The following LYPD8 variants were observed in gnomAD, a reference collection of about 807,000 sequenced individuals.
LYPD8 encodes the protein ly6/PLAUR domain-containing protein 8.
In LYPD8, 8 loss-of-function variants were observed where a neutral mutation model predicts 1.7. The ratio of observed to expected loss-of-function variants is 4.58; its 90% CI spans 2.69 to 8.27. The LOEUF (loss-of-function observed/expected upper bound fraction) is 8.27, where lower values mean the gene tolerates loss of function less well. Among genes scored for constraint, LYPD8 ranks in the 30% most tolerant of loss-of-function variants. The probability of loss-of-function intolerance (pLI) is 0.00; values close to 1 mark genes in which losing one functional copy is unlikely to be tolerated. For missense variants in LYPD8, 112 were observed against 102.3 expected (o/e 1.09, Z -0.41); for synonymous variants, 50 against 43.6 (o/e 1.15, Z -0.58).
chr1:248,744,816 C>T (rs753868141), intron 6 of LYPD8, among the ~76,000 whole-genome samples: 3 of 152,170 alleles, frequency 2.0e-5, no homozygotes, highest in Non-Finnish European at 4.4e-5. Flanking sequence ...GCACCACCCT[C>T]ACCTATAGAA....
chr1:248,739,978 C>T lies in LYPD8; in HGVS notation c.476-129G>A. 1 of 1,242,970 alleles carries T rather than the reference C, an allele frequency of 8.0e-7. No homozygotes were observed. Among genetic ancestry groups the T allele is most frequent in the Non-Finnish European group, 1.1e-6 (1 of 905,344 alleles). 77.0% of individuals were successfully genotyped at this position (1,242,970 alleles called of 1,614,324 possible). A position where few individuals can be genotyped will look rare whatever the true frequency, so the allele number is the denominator to read the frequency against. ...CAAGAGCTGGTGTGCTCCTGAAGCC[C>T]AGGCAGGAAGAAGGAGCCTGCGTGT... On this transcript the variant is annotated intron_variant, in intron 6 of 6. Transcript: ENST00000590317. This position sits in a 1 kb window ranked among gnomAD's most constrained non-coding sequence, Gnocchi z 4.3.
At chr1:248,744,252 A>T (rs782720880) in intron 6 of LYPD8, among the ~76,000 whole-genome samples, 3 of 152,198 alleles carry the variant, frequency 2.0e-5, no homozygotes, top group Non-Finnish European at 2.9e-5. Context: ...TCACATGTTA[A>T]TGCCATCCAG....
intron 2 of LYPD8, among the ~76,000 whole-genome samples, chr1:248,753,901 A>G (rs916366695): frequency 1.7e-3 from 249 of 150,190 alleles, no homozygotes; most frequent in Non-Finnish European, 1.5e-3. Context: ...CACACATCAC[A>G]TGTCATACAT....
chr1:248,750,440 C>G (rs1024563192), intron 4 of LYPD8, 84 bp downstream of exon 4: 7 of 397,762 alleles, frequency 1.8e-5, no homozygotes, highest in Admixed American at 4.4e-5. Context: ...CCTTCTCTGC[C>G]TTTCTTTCCT....
rs1662769860 is a variant in LYPD8 at position 248,749,968 on chromosome 1, C to A, written c.172+556G>T. Among the ~76,000 whole-genome samples the A allele has an allele frequency of 3.3e-5, 5 of 151,744 alleles. No homozygotes were observed. The South Asian group carries it at 1.0e-3, about 32-fold the overall frequency. On this transcript the variant is annotated intron_variant, in intron 4 of 6. Coordinates refer to ENST00000590317, the MANE Select transcript of LYPD8 (RefSeq NM_001085474.2). ...AAAAATAGCAAAATGTTAATAACTGCTGACACAGGGTAGTGGTTACATGGC... is the reference window on the plus strand; with the variant it reads ...AAAAATAGCAAAATGTTAATAACTGATGACACAGGGTAGTGGTTACATGGC...
chr1:248,745,752 C>A (rs1226013726), intron 5 of LYPD8, among the ~76,000 whole-genome samples: 1 of 152,142 alleles, frequency 6.6e-6, no homozygotes. Flanking sequence ...TAAACTTTGC[C>A]TTTTCAGCCA....
At chr1:248,752,917 A>AC (rs1662839777) in intron 2 of LYPD8, among the ~76,000 whole-genome samples, 2 of 70,854 alleles carry the variant, frequency 2.8e-5, no homozygotes, top group Non-Finnish European at 5.4e-5. Context: ...CCCACACACC[A>AC]ACACACCACA....
chr1:248,754,207 A>G (rs1264169229), intron 2 of LYPD8, among the ~76,000 whole-genome samples: 2 of 137,436 alleles, frequency 1.5e-5, no homozygotes, highest in Non-Finnish European at 3.2e-5. Context: ...ACACACATTA[A>G]ATGCCACATA....
rs1662904019 is a variant in LYPD8 at position 248,755,320 on chromosome 1, G to GCAATAAA, written c.-132_-131insTTTATTG. 6.6e-6 allele frequency: 1 copy of GCAATAAA among 152,122 alleles called. No individual in the cohort carries two copies. Among genetic ancestry groups the GCAATAAA allele is most frequent in the African/African-American group, 2.4e-5 (1 of 41,410 alleles). 9.4% of individuals were successfully genotyped at this position (152,122 alleles called of 1,614,324 possible). ...CAAAGTTTTATTGCGGAATCTTTTC[G>GCAATAAA]ACAGCCTGGCAGGGTCCTGCTATAA... On this transcript the variant is annotated 5_prime_UTR_variant, in exon 2 of 7. The change abolishes the stop of an existing upstream ORF in the 5' untranslated region. Coordinates refer to ENST00000590317, the MANE Select transcript of LYPD8 (RefSeq NM_001085474.2).
intron 4 of LYPD8, 76 bp downstream of exon 4, chr1:248,750,448 C>A (rs878905905): frequency 0.7 from 277,928 of 397,638 alleles, 102,086 homozygotes; most frequent in Middle Eastern, 0.82. Flanking sequence ...GCCTTTCTTT[C>A]CTGCCTGGAT....
rs1388202786 is a variant in LYPD8 at position 248,739,671 on chromosome 1, G to A, written c.654C>T (p.Ser218=). 4.2e-5 allele frequency: 65 copies of A among 1,551,620 alleles called. No homozygotes were observed. Among genetic ancestry groups the A allele is most frequent in the Non-Finnish European group, 5.2e-5 (60 of 1,146,998 alleles). ...SAPTTSHNVG[S]KASLYLLALA... ...GGGCCAAGAGGTAGAGGGAAGCTTT[G>A]GAGCCCACGTTGTGGGAAGTGGTTG... The change falls in exon 7 of 7, where the codon TCC becomes TCT. Residue 218 remains serine (S), a synonymous_variant. Transcript: ENST00000590317. This position sits in a 1 kb window ranked among gnomAD's most constrained non-coding sequence, Gnocchi z 4.3.
chr1:248,739,930 C>T lies in LYPD8; in HGVS notation c.476-81G>A. The stretch of plus-strand genomic sequence containing the variant: ...ACGCCTGCTCTTAGTTCTTCACCTG[C>T]AGCACGGTGGCCCGGTGACCAGCAA... On this transcript the variant is annotated intron_variant, in intron 6 of 6. Coordinates refer to ENST00000590317, the MANE Select transcript of LYPD8 (RefSeq NM_001085474.2). The surrounding 1 kb of genome is among the most constrained non-coding windows in gnomAD (Gnocchi z 4.3). 16 of 1,517,446 alleles carry T rather than the reference C, an allele frequency of 1.1e-5. No homozygotes were observed. The highest frequency in any genetic ancestry group is 1.4e-5 in the Non-Finnish European group (16 of 1,127,618). The allele number at this position is 1,517,446 out of a possible 1,614,324, so 94.0% of individuals were successfully genotyped here. A position where few individuals can be genotyped will look rare whatever the true frequency, so the allele number is the denominator to read the frequency against.
intron 5 of LYPD8, among the ~76,000 whole-genome samples, chr1:248,746,364 A>G (rs904103694): frequency 1.3e-5 from 2 of 152,332 alleles, no homozygotes; most frequent in African/African-American, 2.4e-5. Context: ...TCACTAAGAA[A>G]GAGGGGAGGC....
intron 4 of LYPD8, among the ~76,000 whole-genome samples, chr1:248,748,687 A>G (rs1662751497): frequency 1.3e-5 from 2 of 152,186 alleles, no homozygotes; most frequent in African/African-American, 4.8e-5. Flanking sequence ...TCCAGGCAAA[A>G]GTCTGATTGG....
chr1:248,741,982 A>G (rs1408966520), intron 6 of LYPD8, among the ~76,000 whole-genome samples: 3 of 152,214 alleles, frequency 2.0e-5, no homozygotes, highest in Admixed American at 2.0e-4. Flanking sequence ...AGCATAGAGG[A>G]ATTTTAAGGC....
intron 3 of LYPD8, among the ~76,000 whole-genome samples, 156 bp downstream of exon 3, chr1:248,750,874 G>A (rs1277944672): frequency 2.0e-5 from 3 of 152,250 alleles, no homozygotes; most frequent in South Asian, 4.1e-4. Flanking sequence ...ACAATACAGA[G>A]TGGCCCCTTC....
At chr1:248,740,006 A>C (rs1553283134) in intron 6 of LYPD8, 157 bp from the exon 7 acceptor site, 6 of 430,676 alleles carry the variant, frequency 1.4e-5, no homozygotes, top group Non-Finnish European at 6.2e-6. Context: ...CTGCGTGTTC[A>C]GAGTCAAGAA....
chr1:248,753,021 C>A (rs1157400307), intron 2 of LYPD8, among the ~76,000 whole-genome samples: 2 of 115,684 alleles, frequency 1.7e-5, no homozygotes, highest in African/African-American at 7.0e-5. Flanking sequence ...ATACACACAC[C>A]ACACACCCCA....
chr1:248,751,759 G>A (rs991650933), intron 2 of LYPD8, among the ~76,000 whole-genome samples: 2,319 of 152,124 alleles, frequency 0.015, 26 homozygotes, highest in Non-Finnish European at 0.024. Context: ...CTGGAGTTTC[G>A]TCTGTGTCCC....
Sources: allele counts gnomAD v4.1 joint callset (sites outside exome capture counted in the v4.1 genomes callset), GRCh38; gene constraint gnomAD v4.1.1; non-coding constraint Gnocchi (gnomAD v3.1); transcripts MANE v1.5; gene names NCBI Gene and HGNC (gene_info 2026-07-23, HGNC 2026-07-21).